The following CAD variants were observed in gnomAD, a reference collection of about 807,000 sequenced individuals.
CAD encodes the protein carbamoyl-phosphate synthetase 2, aspartate transcarbamylase, and dihydroorotase.
Under a neutral mutation model 237.2 loss-of-function variants are expected in CAD, and 81 were observed. The ratio of observed to expected loss-of-function variants is 0.34; its 90% CI spans 0.29 to 0.41. The LOEUF is 0.41. CAD is among the 10% of genes least tolerant of loss of function. The pLI is 1.00. For missense variants in CAD, 2,181 were observed against 2,951.7 expected, an observed-to-expected ratio of 0.74 and a Z score of 6.05; for synonymous variants, 1,196 against 1,162.8, an observed-to-expected ratio of 1.03 and a Z score of -0.58.
chr2:27,243,365 T>C (rs765560406), intron 43 of CAD, 51 bp from the exon 44 acceptor site: 4 of 1,582,670 alleles, frequency 2.5e-6, no homozygotes, highest in Non-Finnish European at 2.6e-6. Context: ...GGACAAGCCA[T>C]CCATGGGCTG....
chr2:27,227,359 G>A (rs1572431497), intron 15 of CAD: 1 of 177,252 alleles, frequency 5.6e-6, no homozygotes, highest in African/African-American at 2.4e-5. Context: ...GAGCATGTTA[G>A]AATTGAGTTA....
chr2:27,235,530 T>C lies in CAD; in HGVS notation c.3970-6T>C. ...AAAACAATTTCATCCTTCTGTTTGG[T>C]TTCAGAACAAAAGCGAGCTGCTCCC... On this transcript the variant is annotated splice_polypyrimidine_tract_variant and splice_region_variant and intron_variant, in intron 24 of 43. Transcript: ENST00000264705. This position sits in a 1 kb window ranked among gnomAD's most constrained non-coding sequence, Gnocchi z 5.2. The C allele has an allele frequency of 1.2e-6, 2 of 1,613,860 alleles. No individual in the cohort carries two copies. Among genetic ancestry groups the C allele is most frequent in the South Asian group, 1.1e-5 (1 of 91,064 alleles).
In CAD at chr2:27,233,243, A is replaced by C; in HGVS notation, c.2992-69A>C. ...AAACTTGGTGGCGGCTGAGGGAAGC[A>C]GTGAGCAGGAAGGCTCAGATTCCTG... On this transcript the variant is annotated intron_variant, in intron 19 of 43. Transcript: ENST00000264705. This position sits in a 1 kb window ranked among gnomAD's most constrained non-coding sequence, Gnocchi z 6.3. 6.6e-7 allele frequency: 1 copy of C among 1,517,518 alleles called. No individual in the cohort carries two copies. Among genetic ancestry groups the C allele is most frequent in the Non-Finnish European group, 9.1e-7 (1 of 1,093,260 alleles). 94.0% of individuals were successfully genotyped at this position (1,517,518 alleles called of 1,614,324 possible). A position where few individuals can be genotyped will look rare whatever the true frequency, so the allele number is the denominator to read the frequency against.
chr2:27,243,035 A>G (rs1177161808), intron 42 of CAD, 62 bp downstream of exon 42: 2 of 1,437,574 alleles, frequency 1.4e-6, no homozygotes, highest in African/African-American at 2.8e-5. Flanking sequence ...ATATGAGGAC[A>G]GAAAGGCTGG....
intron 15 of CAD, among the ~76,000 whole-genome samples, chr2:27,229,429 C>A (rs773370424): frequency 1.3e-5 from 2 of 151,872 alleles, no homozygotes; most frequent in South Asian, 4.2e-4. Flanking sequence ...CCACACCTTG[C>A]TAATTTTTTT....
Position 27,240,538 on chromosome 2 carries a change from T to G in CAD, c.5593+177T>G. 3.2e-6 allele frequency: 5 copies of G among 1,548,082 alleles called. No homozygotes were observed. The South Asian group carries it at 6.0e-5, about 19-fold the overall frequency. On this transcript the variant is annotated intron_variant, in intron 35 of 43. Coordinates refer to ENST00000264705, the MANE Select transcript of CAD (RefSeq NM_004341.5). The surrounding 1 kb of genome is among the most constrained non-coding windows in gnomAD (Gnocchi z 4.6). ...CGGTGTGAGTAGACATCTCACAGCT[T>G]CTCACATGCCCTTTTTTGTTGTGGG... is the stretch of plus-strand genomic sequence containing the variant.
rs371844501 is a variant in CAD at position 27,222,182 on chromosome 2, C to T, written c.353-12C>T. On this transcript the variant is annotated splice_polypyrimidine_tract_variant and intron_variant, in intron 3 of 43. Transcript: ENST00000264705. The stretch of plus-strand genomic sequence containing the variant: ...TAGGAATGTGATCCCTAAGACTGTG[C>T]TATTTTGACAGGAGTAGACACTCGG... 1.2e-6 allele frequency: 2 copies of T among 1,612,006 alleles called. No homozygotes were observed. Among genetic ancestry groups the T allele is most frequent in the African/African-American group, 2.7e-5 (2 of 74,804 alleles).
Position 27,235,873 on chromosome 2 carries a change from C to CAA in CAD, c.4074+246_4074+247dup, listed in dbSNP as rs768042691. ...CTTGGGAAACAGTGAGATGCTGTCT[C>CAA]AAAAAAAAAAAAAACAAAGAATTAT... On this transcript the variant is annotated intron_variant, in intron 25 of 43. Coordinates refer to ENST00000264705, the MANE Select transcript of CAD (RefSeq NM_004341.5). The surrounding 1 kb of genome is among the most constrained non-coding windows in gnomAD (Gnocchi z 5.2). 2,571 of 332,020 alleles carry CAA rather than the reference C, an allele frequency of 7.7e-3. 3 individuals are homozygous for CAA. The highest frequency in any genetic ancestry group is 0.025 in the African/African-American group (1,056 of 42,352). The allele number at this position is 332,020 out of a possible 1,614,324, so 20.6% of individuals were successfully genotyped here.
rs1675391144 is a variant in CAD at position 27,225,350 on chromosome 2, A to C, written c.1620+107A>C. 8 of 629,156 alleles carry C rather than the reference A, an allele frequency of 1.3e-5. No homozygotes were observed. In the East Asian group the frequency reaches 2.4e-4, roughly 19 times the overall value. 39.0% of individuals were successfully genotyped at this position (629,156 alleles called of 1,614,324 possible). On this transcript the variant is annotated intron_variant, in intron 11 of 43. Coordinates refer to ENST00000264705, the MANE Select transcript of CAD (RefSeq NM_004341.5). ...AGACGGAGTTTCGCTCTTGTTGCGC[A>C]GGCTGGAGTACAGTGGCGTGATCTC...
rs369078932 is a variant in CAD, at chr2:27,238,570, G to A, written c.5000G>A (p.Arg1667His). 21 of 1,613,946 alleles carry A rather than the reference G, an allele frequency of 1.3e-5. No homozygotes were observed. Among genetic ancestry groups the A allele is most frequent in the South Asian group, 6.6e-5 (6 of 91,062 alleles). ...GAGGTCCGGCCTGAGCTTGGCTCCC[G>A]CCAGGATGTGGAAGCCCTGTGGGAG... ...KGEVRPELGS[R>H]QDVEALWENM... The change falls in exon 31 of 44, where the codon CGC becomes CAC. Residue 1667 changes from arginine (R) to histidine (H), a missense_variant. Around this residue, in one of 12 missense-constraint regions of CAD, gnomAD observed 478 missense variants for 515.0 expected, o/e 0.93. Transcript: ENST00000264705.
rs752708173 is a variant in CAD, at chr2:27,237,385, T to C, written c.4403T>C (p.Ile1468Thr). ...TGCTTCCATTTTCTCCCAGGATTGA[T>C]TGATGTCCATGTGCACCTGCGGGAA... Reference protein sequence around the residue: ...SQKLVRLPGLIDVHVHLREPG... With the variant: ...SQKLVRLPGLTDVHVHLREPG... The change falls in exon 28 of 44, where the codon ATT becomes ACT. Residue 1468 changes from isoleucine to threonine, a missense_variant. This residue lies in a region of CAD where 478 missense variants were observed against 515.0 expected (regional missense o/e 0.93). Coordinates refer to ENST00000264705, the MANE Select transcript of CAD (RefSeq NM_004341.5). This position sits in a 1 kb window ranked among gnomAD's most constrained non-coding sequence, Gnocchi z 4.0. The C allele has an allele frequency of 3.1e-6, 5 of 1,614,030 alleles. No individual in the cohort carries two copies. Among genetic ancestry groups the C allele is most frequent in the Non-Finnish European group, 2.5e-6 (3 of 1,180,008 alleles).
chr2:27,236,864 C>T lies in CAD; in HGVS notation c.4396+34C>T, dbSNP rs761563230. 7 of 1,552,936 alleles carry T rather than the reference C, an allele frequency of 4.5e-6. No individual in the cohort carries two copies. The South Asian group carries it at 5.6e-5, about 12-fold the overall frequency. On this transcript the variant is annotated intron_variant, in intron 27 of 43. Transcript: ENST00000264705. This position sits in a 1 kb window ranked among gnomAD's most constrained non-coding sequence, Gnocchi z 4.1. ...TTGGGGAGAACTTGGCTTCTGAACA[C>T]TGGCAGCCCCTGGCATAGAGACCTG...
rs1282112871 is a variant in CAD, at chr2:27,232,728, C to G, written c.2892+34C>G. On this transcript the variant is annotated intron_variant, in intron 18 of 43. Transcript: ENST00000264705. This position sits in a 1 kb window ranked among gnomAD's most constrained non-coding sequence, Gnocchi z 4.1. ...GTTCATTTTCTTTCCACTTTCCTTG[C>G]TATTCTGTTCATCTCTAGCAATTGC... The G allele has an allele frequency of 6.2e-7, 1 of 1,612,666 alleles. No individual in the cohort carries two copies. Among genetic ancestry groups the G allele is most frequent in the Non-Finnish European group, 8.5e-7 (1 of 1,179,096 alleles).
Position 27,240,498 on chromosome 2 carries a change from C to G in CAD, c.5593+137C>G, listed in dbSNP as rs1349227560. ...TCTGATCTGCCGTGCCATCCTTTGC[C>G]TAAACAAGTCTCCCCGGTGTGAGTA... On this transcript the variant is annotated intron_variant, in intron 35 of 43. Coordinates refer to ENST00000264705, the MANE Select transcript of CAD (RefSeq NM_004341.5). This position sits in a 1 kb window ranked among gnomAD's most constrained non-coding sequence, Gnocchi z 4.6. 1 of 1,519,060 alleles carries G rather than the reference C, an allele frequency of 6.6e-7. No homozygotes were observed. The highest frequency in any genetic ancestry group is 1.4e-5 in the African/African-American group (1 of 72,436). The allele number at this position is 1,519,060 out of a possible 1,614,324, so 94.1% of individuals were successfully genotyped here. A position where few individuals can be genotyped will look rare whatever the true frequency, so the allele number is the denominator to read the frequency against.
chr2:27,232,433 C>G lies in CAD; in HGVS notation c.2646-15C>G, dbSNP rs201094960. 32 of 1,613,890 alleles carry G rather than the reference C, an allele frequency of 2.0e-5. No homozygotes were observed. Among genetic ancestry groups the G allele is most frequent in the Non-Finnish European group, 5.1e-6 (6 of 1,179,994 alleles). On this transcript the variant is annotated splice_polypyrimidine_tract_variant and intron_variant, in intron 17 of 43. Coordinates refer to ENST00000264705, the MANE Select transcript of CAD (RefSeq NM_004341.5). This position sits in a 1 kb window ranked among gnomAD's most constrained non-coding sequence, Gnocchi z 4.1. Reference sequence around the variant, plus strand: ...ACTCTCTGGGCCTGTGTTTCAGACCCTTTTTCTATTTTAGCACAGAGCTGG... The same window carrying G: ...ACTCTCTGGGCCTGTGTTTCAGACCGTTTTTCTATTTTAGCACAGAGCTGG...
Position 27,223,681 on chromosome 2 carries a change from C to T in CAD, c.928C>T (p.Pro310Ser), listed in dbSNP as rs774492044. The change falls in exon 7 of 44, where the codon CCT (proline) becomes TCT (serine). Residue 310 changes from proline (P) to serine (S), a missense_variant. Transcript: ENST00000264705. ...AGACTCACTGCCAGCAGACTGGGCT[C>T]CTCTCTTCACCAACGCCAATGATGG... ...ETDSLPADWAPLFTNANDGSN... is the reference protein window; with the variant it reads ...ETDSLPADWASLFTNANDGSN... The T allele has an allele frequency of 6.8e-6, 11 of 1,614,202 alleles. No homozygotes were observed. The highest frequency in any genetic ancestry group is 9.3e-6 in the Non-Finnish European group (11 of 1,180,026).
chr2:27,242,532 T>C lies in CAD; in HGVS notation c.6223-88T>C, dbSNP rs1015974975. On this transcript the variant is annotated intron_variant, in intron 40 of 43. Coordinates refer to ENST00000264705, the MANE Select transcript of CAD (RefSeq NM_004341.5). This position sits in a 1 kb window ranked among gnomAD's most constrained non-coding sequence, Gnocchi z 6.4. Reference sequence around the variant, plus strand: ...GACAGCTGCATCAAGGAGGCCTTCATTCTGCTCCAGAGGCTTTTAAAAGCT... The same window carrying C: ...GACAGCTGCATCAAGGAGGCCTTCACTCTGCTCCAGAGGCTTTTAAAAGCT... The C allele has an allele frequency of 1.9e-6, 3 of 1,558,484 alleles. No individual in the cohort carries two copies. The highest frequency in any genetic ancestry group is 2.6e-6 in the Non-Finnish European group (3 of 1,146,532).
In CAD at chr2:27,238,184, G is replaced by A. The variant is rs1188455204; in HGVS notation, c.4857G>A (p.Glu1619=). Residue 1619 remains glutamate, a synonymous_variant, in exon 30 of 44, where the codon GAG becomes GAA. Transcript: ENST00000264705. ...SVHICHVARK[E]EILLIKAAKA... ...ACATATGTCACGTGGCACGGAAGGA[G>A]GAGGTAAGAGTACACCTGAGATCCT... 6.2e-7 allele frequency: 1 copy of A among 1,613,976 alleles called. No individual in the cohort carries two copies. Among genetic ancestry groups the A allele is most frequent in the Admixed American group, 1.7e-5 (1 of 60,012 alleles).
rs761889534 is a variant in CAD, at chr2:27,233,282, C to T, written c.2992-30C>T. ...CTCAGATTCCTGCCCTCTTTTGCTG[C>T]CACCACTTGTTTCTCCCCCTGCAAC... On this transcript the variant is annotated intron_variant, in intron 19 of 43. Transcript: ENST00000264705. The surrounding 1 kb of genome is among the most constrained non-coding windows in gnomAD (Gnocchi z 6.3). 1 of 1,590,052 alleles carries T rather than the reference C, an allele frequency of 6.3e-7. No homozygotes were observed. The highest frequency in any genetic ancestry group is 8.6e-7 in the Non-Finnish European group (1 of 1,158,352).
Sources: allele counts gnomAD v4.1 joint callset (sites outside exome capture counted in the v4.1 genomes callset), GRCh38; gene constraint gnomAD v4.1.1; regional missense constraint gnomAD v4.1.1; non-coding constraint Gnocchi (gnomAD v3.1); transcripts MANE v1.5; gene names NCBI Gene and HGNC (gene_info 2026-07-23, HGNC 2026-07-21).